MARCHF1: variants seen among roughly 807,000 people sequenced by gnomAD.
The protein encoded by MARCHF1 is membrane associated ring-CH-type finger 1, also known as E3 ubiquitin-protein ligase MARCHF1.
Under a neutral mutation model 54.2 loss-of-function variants are expected in MARCHF1, and 40 were observed. The ratio of observed to expected loss-of-function variants is 0.74; its 90% CI spans 0.57 to 0.96. MARCHF1 has a LOEUF of 0.96. Among genes scored for constraint, MARCHF1 ranks in the 40% least tolerant of loss-of-function variants. MARCHF1 has a pLI of 0.00. For missense variants in MARCHF1, 586 were observed against 656.5 expected (o/e 0.89, Z 1.17); for synonymous variants, 236 against 236.3 (o/e 1.00, Z 0.01).
At chr4:163,739,561 A>G (rs1746138407) in intron 4 of MARCHF1, among the ~76,000 whole-genome samples, 3 of 152,224 alleles carry the variant, frequency 2.0e-5, no homozygotes, top group Admixed American at 6.5e-5. Flanking sequence ...CATGAACTCA[A>G]AAATACCCTC....
At position 163,612,500 on chromosome 4, in the gene MARCHF1, G is replaced by C; in HGVS notation, c.781C>G (p.His261Asp). The change falls in exon 7 of 10, where the codon CAT becomes GAT. Residue 261 changes from histidine to aspartate, a missense_variant. Around this residue, in one of 3 missense-constraint regions of MARCHF1, gnomAD observed 387 missense variants for 394.6 expected, o/e 0.98. Transcript: ENST00000514618. ...TGATATCTGCCTTTGCTCTTCTCATGATTCCTTGAGGATCTCTTAATTTCA... is the reference window on the plus strand; with the variant it reads ...TGATATCTGCCTTTGCTCTTCTCATCATTCCTTGAGGATCTCTTAATTTCA... ...SSEIKRSSRNHEKSKGRYHHR... is the reference protein window; with the variant it reads ...SSEIKRSSRNDEKSKGRYHHR... The C allele has an allele frequency of 6.5e-7, 1 of 1,535,150 alleles. No individual in the cohort carries two copies. The highest frequency in any genetic ancestry group is 8.7e-7 in the Non-Finnish European group (1 of 1,146,444).
intron 1 of MARCHF1, among the ~76,000 whole-genome samples, chr4:164,317,288 A>G (rs758905652): frequency 6.6e-6 from 1 of 152,210 alleles, no homozygotes; most frequent in Non-Finnish European, 1.5e-5. Context: ...GTATAATACA[A>G]CATCTAAAAT....
At chr4:163,617,496 A>G (rs1267448217) in intron 5 of MARCHF1, among the ~76,000 whole-genome samples, 1 of 152,214 alleles carries the variant, frequency 6.6e-6, no homozygotes, top group African/African-American at 2.4e-5. Flanking sequence ...ATCCCTAATA[A>G]TGTAAATTAT....
At chr4:164,265,656 G>A (rs920851849) in intron 1 of MARCHF1, among the ~76,000 whole-genome samples, 9 of 151,878 alleles carry the variant, frequency 5.9e-5, no homozygotes, top group Non-Finnish European at 1.2e-4. Context: ...TGAGCAATGC[G>A]GCACCTGCTG....
chr4:164,308,941 C>A (rs1357345716), intron 1 of MARCHF1, among the ~76,000 whole-genome samples: 4 of 148,108 alleles, frequency 2.7e-5, no homozygotes, highest in African/African-American at 5.0e-5. Context: ...TGCCCATGTA[C>A]TCCTGAACCT....
At chr4:163,567,517 G>A (rs567302333) in intron 8 of MARCHF1, among the ~76,000 whole-genome samples, 4 of 152,196 alleles carry the variant, frequency 2.6e-5, no homozygotes, top group Non-Finnish European at 5.9e-5. Flanking sequence ...ATTCCCATGT[G>A]TTTTGGGAGG....
At chr4:163,567,629 G>A (rs1490884053) in intron 8 of MARCHF1, among the ~76,000 whole-genome samples, 1 of 152,110 alleles carries the variant, frequency 6.6e-6, no homozygotes, top group Admixed American at 6.6e-5. Flanking sequence ...ATAAAGGGGA[G>A]TTTCCTTGCA....
In MARCHF1 at chr4:163,848,479, T is replaced by C. The variant is rs569830912; in HGVS notation, c.111+5542A>G. On this transcript the variant is annotated intron_variant, in intron 4 of 9. Coordinates refer to ENST00000514618, the MANE Select transcript of MARCHF1 (RefSeq NM_001394959.1). ...TTTTTTTAATCTTCTTGTTTTGACTTCCATGGATTTTTCAACTCTAATCCT... is the reference window on the plus strand; with the variant it reads ...TTTTTTTAATCTTCTTGTTTTGACTCCCATGGATTTTTCAACTCTAATCCT... Among the ~76,000 whole-genome samples, 7 of 152,278 alleles carry C rather than the reference T, an allele frequency of 4.6e-5. No individual in the cohort carries two copies. The East Asian group carries it at 1.4e-3, about 29-fold the overall frequency.
At chr4:163,680,618 T>C (rs920356577) in intron 5 of MARCHF1, among the ~76,000 whole-genome samples, 11 of 152,236 alleles carry the variant, frequency 7.2e-5, no homozygotes, top group African/African-American at 2.7e-4. Flanking sequence ...TCCAGGCTCC[T>C]TGTCATCCTT....
chr4:164,066,301 A>T (rs1424824327), intron 2 of MARCHF1, among the ~76,000 whole-genome samples: 2 of 152,236 alleles, frequency 1.3e-5, no homozygotes, highest in East Asian at 1.9e-4. Context: ...GAGAAATGCA[A>T]ATCAAAACCA....
At chr4:163,678,079 T>C (rs1743976318) in intron 5 of MARCHF1, among the ~76,000 whole-genome samples, 1 of 152,240 alleles carries the variant, frequency 6.6e-6, no homozygotes, top group South Asian at 2.1e-4. Context: ...TTAGCTCAAT[T>C]GCCCTTGATA....
In MARCHF1 at chr4:164,318,040, C is replaced by T. The variant is rs1053900495; in HGVS notation, c.-323+65830G>A. 2.0e-5 allele frequency among the ~76,000 whole-genome samples: 3 copies of T among 152,144 alleles called. No individual in the cohort carries two copies. The South Asian group carries it at 6.2e-4, about 32-fold the overall frequency. ...ATCTCAATCCTGGTTACTCTTTTAA[C>T]TAAATGTATGCATTGGACAAATTGT... On this transcript the variant is annotated intron_variant, in intron 1 of 9. Transcript: ENST00000514618.
chr4:164,340,916 CA>C (rs35543676), intron 1 of MARCHF1, among the ~76,000 whole-genome samples: 15,511 of 96,312 alleles, frequency 0.16, 1,361 homozygotes, highest in Admixed American at 0.35. Flanking sequence ...GAGGGCACTA[CA>C]AAAAAAAAAA....
intron 8 of MARCHF1, among the ~76,000 whole-genome samples, chr4:163,571,528 C>G (rs1200681772): frequency 3.9e-5 from 6 of 152,100 alleles, no homozygotes; most frequent in African/African-American, 1.2e-4. Flanking sequence ...TGAACAGAGT[C>G]CTCTCTTCTC....
At position 164,016,145 on chromosome 4, in the gene MARCHF1, G is replaced by T. The variant is rs148832040; in HGVS notation, c.-247-27436C>A. On this transcript the variant is annotated intron_variant, in intron 2 of 9. Transcript: ENST00000514618. ...AGACTGCTATAAAGAACTTCCCTGA[G>T]ACTGGGTAATTTATAAAGTAAAGAG... Among the ~76,000 whole-genome samples, 685 of 152,240 alleles carry T rather than the reference G, an allele frequency of 4.5e-3. 5 individuals are homozygous for T. Among genetic ancestry groups the T allele is most frequent in the African/African-American group, 0.016 (652 of 41,512 alleles).
At chr4:163,874,525 G>A (rs537930925) in intron 3 of MARCHF1, among the ~76,000 whole-genome samples, 1 of 152,176 alleles carries the variant, frequency 6.6e-6, no homozygotes, top group Admixed American at 6.5e-5. Flanking sequence ...AGTCTACTTA[G>A]ATAGCCTGCT....
intron 3 of MARCHF1, among the ~76,000 whole-genome samples, chr4:163,958,790 A>C: frequency 6.6e-6 from 1 of 151,928 alleles, no homozygotes; most frequent in East Asian, 1.9e-4. Flanking sequence ...TCATTGTATG[A>C]TGCACAAAAT....
At chr4:164,069,910 T>C (rs1754827312) in intron 2 of MARCHF1, among the ~76,000 whole-genome samples, 1 of 152,218 alleles carries the variant, frequency 6.6e-6, no homozygotes, top group Non-Finnish European at 1.5e-5. Context: ...GTGGTACATA[T>C]ATACCATGGA....
intron 3 of MARCHF1, among the ~76,000 whole-genome samples, chr4:163,969,154 A>G (rs1253043965): frequency 1.3e-5 from 2 of 152,164 alleles, no homozygotes; most frequent in Non-Finnish European, 2.9e-5. Flanking sequence ...TATGAGCAAA[A>G]TGTAGCTCAT....
Sources: allele counts gnomAD v4.1 joint callset (sites outside exome capture counted in the v4.1 genomes callset), GRCh38; gene constraint gnomAD v4.1.1; regional missense constraint gnomAD v4.1.1; transcripts MANE v1.5; gene names NCBI Gene and HGNC (gene_info 2026-07-23, HGNC 2026-07-21).